CDH18: variants seen among roughly 807,000 people sequenced by gnomAD.
The protein encoded by CDH18 is cadherin-18.
A neutral mutation model predicts 67.9 loss-of-function variants in CDH18; 31 were observed. The ratio of observed to expected loss-of-function variants is 0.46; its 90% CI spans 0.34 to 0.62. The LOEUF is 0.62. CDH18 is among the 20% of genes least tolerant of loss of function. CDH18 has a pLI of 0.01. For synonymous variants in CDH18, 362 were observed against 347.2 expected (o/e 1.04, Z -0.48); for missense variants, 890 against 975.5 (o/e 0.91, Z 1.17).
intron 3 of CDH18, among the ~76,000 whole-genome samples, chr5:19,814,877 T>C (rs4368732): frequency 0.039 from 2,074 of 52,650 alleles, 28 homozygotes; most frequent in East Asian, 0.11. Context: ...CACACACACA[T>C]GGACACACAC....
chr5:19,651,915 A>C (rs1006995057), intron 5 of CDH18, among the ~76,000 whole-genome samples: 1 of 152,044 alleles, frequency 6.6e-6, no homozygotes, highest in Non-Finnish European at 1.5e-5. Flanking sequence ...CCTCATTTAG[A>C]AAATAAAAGA....
intron 2 of CDH18, among the ~76,000 whole-genome samples, chr5:19,949,114 C>T (rs1795545034): frequency 6.6e-6 from 1 of 152,106 alleles, no homozygotes. Flanking sequence ...CCATAGCCAT[C>T]ACACTATATT....
chr5:19,521,982 G>A (rs913997942), intron 9 of CDH18, among the ~76,000 whole-genome samples: 1 of 152,036 alleles, frequency 6.6e-6, no homozygotes, highest in African/African-American at 2.4e-5. Context: ...CATATTAAGT[G>A]TCAACTGCCT....
intron 1 of CDH18, among the ~76,000 whole-genome samples, chr5:20,353,113 A>G (rs551072420): frequency 6.6e-6 from 1 of 152,164 alleles, no homozygotes; most frequent in South Asian, 2.1e-4. Context: ...GTGATTTCTC[A>G]TGGTGGTGTA....
intron 1 of CDH18, among the ~76,000 whole-genome samples, chr5:20,258,883 G>T (rs935106129): frequency 6.6e-6 from 1 of 152,086 alleles, no homozygotes; most frequent in African/African-American, 2.4e-5. Context: ...TTGACCCTGA[G>T]ATTCATATGA....
intron 2 of CDH18, among the ~76,000 whole-genome samples, chr5:20,039,679 C>T (rs1203362527): frequency 4.6e-5 from 7 of 152,084 alleles, no homozygotes; most frequent in Admixed American, 4.6e-4. Flanking sequence ...TTCCTTACAC[C>T]TTATACAAAA....
At chr5:20,097,672 A>T (rs2150571887) in intron 2 of CDH18, among the ~76,000 whole-genome samples, 1 of 152,290 alleles carries the variant, frequency 6.6e-6, no homozygotes, top group Non-Finnish European at 1.5e-5. Context: ...TTCCGTGATT[A>T]AATTGTCATT....
intron 2 of CDH18, among the ~76,000 whole-genome samples, chr5:19,976,065 T>C (rs990956690): frequency 3.3e-5 from 5 of 152,140 alleles, no homozygotes; most frequent in Admixed American, 2.6e-4. Flanking sequence ...GATTCATACT[T>C]AGCAAATTTC....
chr5:19,959,022 C>T (rs1282873353), intron 2 of CDH18, among the ~76,000 whole-genome samples: 1 of 151,856 alleles, frequency 6.6e-6, no homozygotes, highest in Non-Finnish European at 1.5e-5. Flanking sequence ...TTCTGTTATT[C>T]TGAAACAATG....
At chr5:20,557,658 G>A (rs1413976615) in intron 1 of CDH18, among the ~76,000 whole-genome samples, 2 of 152,108 alleles carry the variant, frequency 1.3e-5, no homozygotes, top group South Asian at 2.1e-4. Flanking sequence ...TTAAAGGCAA[G>A]TAATTAGGAT....
chr5:20,157,166 A>C (rs1751595116), intron 2 of CDH18, among the ~76,000 whole-genome samples: 1 of 152,210 alleles, frequency 6.6e-6, no homozygotes, highest in South Asian at 2.1e-4. Flanking sequence ...TACGATTTAA[A>C]GTTTATAAAT....
intron 1 of CDH18, among the ~76,000 whole-genome samples, chr5:20,275,405 G>A (rs1051734756): frequency 1.3e-5 from 2 of 152,032 alleles, no homozygotes; most frequent in Non-Finnish European, 2.9e-5. Context: ...GTTTTCTGAG[G>A]CCTCCTTATC....
At chr5:19,989,006 C>A (rs1023854960), upstream of CDH18, among the ~76,000 whole-genome samples, 13 of 152,118 alleles carry the variant, frequency 8.5e-5, no homozygotes, top group Admixed American at 2.6e-4. Context: ...CTTATCACTC[C>A]AGAATAAATT....
chr5:20,050,775 C>T (rs1013988396), intron 2 of CDH18, among the ~76,000 whole-genome samples: 1 of 151,752 alleles, frequency 6.6e-6, no homozygotes, highest in Non-Finnish European at 1.5e-5. Context: ...CCAAATAACA[C>T]AAAATAATTA....
At chr5:19,958,000 A>C (rs1232310790) in intron 2 of CDH18, among the ~76,000 whole-genome samples, 1 of 152,014 alleles carries the variant, frequency 6.6e-6, no homozygotes, top group Non-Finnish European at 1.5e-5. Flanking sequence ...TTTCTGAAAT[A>C]AATCTTTTTC....
chr5:20,438,036 A>G (rs989631422), intron 1 of CDH18, among the ~76,000 whole-genome samples: 4 of 151,340 alleles, frequency 2.6e-5, no homozygotes, highest in Admixed American at 1.3e-4. Context: ...ATGAATATAA[A>G]CATTTCTTTG....
At chr5:20,282,551 C>T (rs1746364892) in intron 1 of CDH18, among the ~76,000 whole-genome samples, 1 of 151,968 alleles carries the variant, frequency 6.6e-6, no homozygotes, top group Non-Finnish European at 1.5e-5. Flanking sequence ...GCCTTGCATC[C>T]CAGGGATGAA....
chr5:20,219,632 C>T (rs1741065722), intron 2 of CDH18, among the ~76,000 whole-genome samples: 1 of 151,728 alleles, frequency 6.6e-6, no homozygotes, highest in South Asian at 2.1e-4. Context: ...GATCATTCAT[C>T]CTGAGCAAGT....
chr5:19,620,979 A>G (rs1750598645), intron 5 of CDH18, among the ~76,000 whole-genome samples: 4 of 152,190 alleles, frequency 2.6e-5, no homozygotes, highest in Admixed American at 2.6e-4. Context: ...TAAACCCATT[A>G]CAGAGCTGAA....
Sources: gnomAD v4.1 joint callset for allele counts (sites outside exome capture counted in the v4.1 genomes callset) on GRCh38, gnomAD v4.1.1 for gene constraint, MANE v1.5 for transcripts, NCBI Gene and HGNC (gene_info 2026-07-23, HGNC 2026-07-21) for gene names.